The following TTN variants were observed in gnomAD, a reference collection of about 807,000 sequenced individuals.
TTN encodes the protein titin.
Under a neutral mutation model 3,223.0 loss-of-function variants are expected in TTN, and 1,525 were observed. The ratio of observed to expected loss-of-function variants is 0.47; its 90% confidence interval spans 0.45 to 0.49. TTN has a LOEUF of 0.49. Among genes scored for constraint, TTN ranks in the 20% least tolerant of loss-of-function variants. The pLI is 0.00. For synonymous variants in TTN, 14,094 were observed against 15,161.0 expected, an observed-to-expected ratio of 0.93 and a Z score of 5.17; for missense variants, 40,786 against 43,424.0, an observed-to-expected ratio of 0.94 and a Z score of 5.40.
chr2:178,544,156 G>C, intron 345 of TTN, 41 bp from the exon 346 acceptor site: 1 of 1,605,138 alleles, frequency 6.2e-7, no homozygotes. Flanking sequence ...TCATGGACAG[G>C]TGTGAGAAGA....
chr2:178,601,714 A>C lies in TTN; in HGVS notation c.55376T>G (p.Ile18459Ser). The change falls in exon 286 of 363, where the codon ATC (isoleucine) becomes AGC (serine). Residue 18459 changes from isoleucine (I) to serine (S), a missense_variant. Physicochemically the swap from Ile to Ser is moderately radical, Grantham distance 142. Coordinates refer to ENST00000589042, the MANE Select transcript of TTN (RefSeq NM_001267550.2). ...CKRSHTGKYS[I>S]TAKNKAGQKT... ...TTGTCCTGCTTTATTCTTGGCTGTG[A>C]TGCTGTATTTGCCTGTATGAGATCG... 2 of 1,610,292 alleles carry C rather than the reference A, an allele frequency of 1.2e-6. No individual in the cohort carries two copies. Among genetic ancestry groups the C allele is most frequent in the Non-Finnish European group, 1.7e-6 (2 of 1,178,736 alleles).
Position 178,571,055 on chromosome 2 carries a change from T to G in TTN, c.75077A>C (p.Gln25026Pro). 1 of 1,612,540 alleles carries G rather than the reference T, an allele frequency of 6.2e-7. No homozygotes were observed. The highest frequency in any genetic ancestry group is 8.5e-7 in the Non-Finnish European group (1 of 1,178,822). Residue 25026 changes from glutamine (Q) to proline (P), a missense_variant, in exon 326 of 363, where the codon CAG becomes CCG. Gln to Pro is a moderately conservative substitution (Grantham distance 76). Transcript: ENST00000589042. ...ACCGTCATAGGTGGGTTTCTTCCAC[T>G]GAAGAGTCACAGAATTCCTTGTGAC... Reference protein sequence around the residue: ...IIVTRNSVTLQWKKPTYDGGS... With the variant: ...IIVTRNSVTLPWKKPTYDGGS...
chr2:178,706,268 T>A (rs2075849848), intron 102 of TTN, among the ~76,000 whole-genome samples, 186 bp downstream of exon 102: 1 of 152,234 alleles, frequency 6.6e-6, no homozygotes, highest in African/African-American at 2.4e-5. Context: ...ATGCTTCATC[T>A]CTAGATTACT....
At chr2:178,780,231 T>A in intron 21 of TTN, 26 bp from the exon 22 acceptor site, 1 of 1,576,826 alleles carries the variant, frequency 6.3e-7, no homozygotes, top group South Asian at 1.1e-5. Flanking sequence ...ATCAGTTAAT[T>A]TTTAATGCTC....
chr2:178,675,732 A>G lies in TTN; in HGVS notation c.34476T>C (p.Pro11492=). ...PAKVSVVPKK[P]EPEKKVPPPG... is the part of the protein sequence containing the mutation. Reference sequence around the variant, plus strand: ...GAGGAGGGACCTTCTTTTCTGGCTCAGGTTTCTTAGGTACCACAGACACTT... The same window carrying G: ...GAGGAGGGACCTTCTTTTCTGGCTCGGGTTTCTTAGGTACCACAGACACTT... Residue 11492 remains proline (P), a synonymous_variant, in exon 149 of 363, where the codon CCT becomes CCC. Coordinates refer to ENST00000589042, the MANE Select transcript of TTN (RefSeq NM_001267550.2). The G allele has an allele frequency of 7.0e-7, 1 of 1,434,664 alleles. No homozygotes were observed. The allele number at this position is 1,434,664 out of a possible 1,614,324, so 88.9% of individuals were successfully genotyped here.
intron 44 of TTN, 190 bp downstream of exon 44, chr2:178,758,794 G>A: frequency 1.5e-6 from 1 of 648,572 alleles, no homozygotes; most frequent in South Asian, 1.8e-5. Context: ...AAACGTGATG[G>A]TCTATGATTC....
At position 178,588,174 on chromosome 2, in the gene TTN, T is replaced by C. The variant is rs879227779; in HGVS notation, c.63233A>G (p.Lys21078Arg). 6.2e-7 allele frequency: 1 copy of C among 1,601,232 alleles called. No homozygotes were observed. Among genetic ancestry groups the C allele is most frequent in the African/African-American group, 1.3e-5 (1 of 74,866 alleles). Residue 21078 changes from lysine (K) to arginine (R), a missense_variant, in exon 305 of 363, where the codon AAA (lysine) becomes AGA (arginine). Coordinates refer to ENST00000589042, the MANE Select transcript of TTN (RefSeq NM_001267550.2). ...PTNFRVVDTTKHSITLGWGKP... is the reference protein window; with the variant it reads ...PTNFRVVDTTRHSITLGWGKP... ...TCCCCACCCAAGAGTTATGGAATGT[T>C]TGGTTGTATCAACCACTCTGAAATT...
Position 178,594,119 on chromosome 2 carries a change from G to T in TTN, c.58274C>A (p.Ala19425Asp), listed in dbSNP as rs727504525. ...AGTGCGATCATCTTCCAGCACATCAGCTTCATCTTTGAACCAGGAAACCTT... is the reference window on the plus strand; with the variant it reads ...AGTGCGATCATCTTCCAGCACATCATCTTCATCTTTGAACCAGGAAACCTT... The part of the protein sequence containing the change: ...KPKVSWFKDE[A>D]DVLEDDRTHI... Residue 19425 changes from alanine to aspartate, a missense_variant, in exon 297 of 363, where the codon GCT becomes GAT. Transcript: ENST00000589042. 12 of 1,613,326 alleles carry T rather than the reference G, an allele frequency of 7.4e-6. No individual in the cohort carries two copies. The highest frequency in any genetic ancestry group is 1.6e-4 in the Middle Eastern group (1 of 6,078).
intron 103 of TTN, 96 bp from the exon 104 acceptor site, chr2:178,705,062 G>C (rs2075635511): frequency 6.4e-7 from 1 of 1,569,608 alleles, no homozygotes; most frequent in Admixed American, 1.8e-5. Context: ...ATGCTGGTTA[G>C]GTCATATTAA....
chr2:178,624,320 G>T, intron 242 of TTN, 145 bp downstream of exon 242: 1 of 933,856 alleles, frequency 1.1e-6, no homozygotes, highest in Non-Finnish European at 1.7e-6. Flanking sequence ...ACACATAAAG[G>T]ATCAGGTTAG....
chr2:178,664,212 T>G, intron 168 of TTN, 114 bp from the exon 169 acceptor site: 2 of 1,070,298 alleles, frequency 1.9e-6, no homozygotes, highest in Non-Finnish European at 2.7e-6. Context: ...AGATCAGTGG[T>G]AACAAGTTCC....
intron 246 of TTN, 38 bp downstream of exon 246, chr2:178,621,064 A>G: frequency 6.2e-7 from 1 of 1,606,562 alleles, no homozygotes; most frequent in Non-Finnish European, 8.5e-7. Context: ...CAAAACAAAC[A>G]AACAAACAAA....
chr2:178,673,482 T>C, intron 152 of TTN, 151 bp downstream of exon 152: 1 of 533,080 alleles, frequency 1.9e-6, no homozygotes, highest in Non-Finnish European at 3.2e-6. Context: ...CTAGAAAAGA[T>C]TAAAGAAATG....
chr2:178,787,958 T>G lies in TTN; in HGVS notation c.2076+1402A>C, dbSNP rs113906541. ...TACGAGTTAAATGCTGAGAATAAAT[T>G]TAGGAGACATAAAGAAGAGTATTAT... is the stretch of plus-strand genomic sequence containing the variant. On this transcript the variant is annotated intron_variant, in intron 13 of 362. Coordinates refer to ENST00000589042, the MANE Select transcript of TTN (RefSeq NM_001267550.2). Among the ~76,000 whole-genome samples, 351 of 152,130 alleles carry G rather than the reference T, an allele frequency of 2.3e-3. 2 individuals carry two copies. Among genetic ancestry groups the G allele is most frequent in the African/African-American group, 7.4e-3 (307 of 41,538 alleles).
At position 178,775,346 on chromosome 2, in the gene TTN, T is replaced by C. The variant is rs772518653; in HGVS notation, c.6508+10A>G. 2 of 1,613,664 alleles carry C rather than the reference T, an allele frequency of 1.2e-6. No individual in the cohort carries two copies. Among genetic ancestry groups the C allele is most frequent in the Admixed American group, 1.7e-5 (1 of 59,980 alleles). On this transcript the variant is annotated intron_variant, in intron 28 of 362. Transcript: ENST00000589042. ...AGACAGGTCCATCAAAGGAAAGACA[T>C]GCAAATTACCTTGGACAAGTAAGAA...
rs770641946 is a variant in TTN at position 178,594,329 on chromosome 2, G to A, written c.58150+15C>T. On this transcript the variant is annotated intron_variant, in intron 296 of 362. Transcript: ENST00000589042. Reference sequence around the variant, plus strand: ...TGTGCAAGTTTCAGAAGTATAAATTGTAGTAGACACATACCCAGCTCATCC... The same window carrying A: ...TGTGCAAGTTTCAGAAGTATAAATTATAGTAGACACATACCCAGCTCATCC... The A allele has an allele frequency of 3.1e-6, 5 of 1,591,500 alleles. No homozygotes were observed. Among genetic ancestry groups the A allele is most frequent in the Non-Finnish European group, 4.3e-6 (5 of 1,171,344 alleles).
Position 178,759,050 on chromosome 2 carries a change from T to G in TTN, c.10237A>C (p.Thr3413Pro). ...GCATTACTAGCAACAAACGTGTAAG[T>G]TCCTTCATCTTCTGGATAAGCTTCG... is the stretch of plus-strand genomic sequence containing the variant. ...IAEAYPEDEG[T>P]YTFVASNAVG... Residue 3413 changes from threonine to proline, a missense_variant, in exon 44 of 363, where the codon ACT becomes CCT. Thr to Pro is a conservative substitution (Grantham distance 38, BLOSUM62 -1). Transcript: ENST00000589042. The G allele has an allele frequency of 1.2e-6, 2 of 1,614,070 alleles. No homozygotes were observed. Among genetic ancestry groups the G allele is most frequent in the Non-Finnish European group, 1.7e-6 (2 of 1,179,950 alleles).
At chr2:178,699,697 C>T (rs2074543215) in intron 111 of TTN, among the ~76,000 whole-genome samples, 1 of 145,568 alleles carries the variant, frequency 6.9e-6, no homozygotes, top group African/African-American at 2.5e-5. Context: ...AGGCGTGAGC[C>T]ACCGCGCCCA....
rs994118977 is a variant in TTN, at chr2:178,559,730, A to G, written c.86402T>C (p.Val28801Ala). ...TGATGTACGAGAGTCTGTGGTATCA[A>G]CATAAGCTCTAGTACGGAGGTCAGT... is the stretch of plus-strand genomic sequence containing the variant. ...PDTDLRTRAY[V>A]DTTDSRTSLT... The change falls in exon 326 of 363, where the codon GTT (valine) becomes GCT (alanine). Residue 28801 changes from valine to alanine, a missense_variant. Transcript: ENST00000589042. 3 of 1,600,372 alleles carry G rather than the reference A, an allele frequency of 1.9e-6. No individual in the cohort carries two copies. Among genetic ancestry groups the G allele is most frequent in the Non-Finnish European group, 2.6e-6 (3 of 1,172,656 alleles).
Sources: allele counts gnomAD v4.1 joint callset (sites outside exome capture counted in the v4.1 genomes callset), GRCh38; gene constraint gnomAD v4.1.1; transcripts MANE v1.5; gene names NCBI Gene and HGNC (gene_info 2026-07-23, HGNC 2026-07-21).